The following TUBGCP5 variants were observed in gnomAD, a reference collection of about 807,000 sequenced individuals.
TUBGCP5 encodes the protein gamma-tubulin complex component 5.
Under a neutral mutation model 134.7 loss-of-function variants are expected in TUBGCP5, and 98 were observed. The ratio of observed to expected loss-of-function variants is 0.73; its 90% CI spans 0.62 to 0.86. TUBGCP5 has a LOEUF of 0.86. TUBGCP5 is among the 40% of genes least tolerant of loss of function. The pLI, the probability that TUBGCP5 is intolerant of heterozygous loss-of-function variation, is 0.00. For missense variants in TUBGCP5, 1,150 were observed against 1,244.8 expected (o/e 0.92, Z 1.15); for synonymous variants, 456 against 431.4 (o/e 1.06, Z -0.71).
intron 21 of TUBGCP5, among the ~76,000 whole-genome samples, chr15:23,002,126 C>T (rs2064422041): frequency 6.6e-6 from 1 of 151,372 alleles, no homozygotes; most frequent in Non-Finnish European, 1.5e-5. Context: ...TTCTCCTCCA[C>T]CCCAAAGTGA....
At chr15:23,034,697 A>C (rs1404550874) in intron 3 of TUBGCP5, among the ~76,000 whole-genome samples, 2 of 152,094 alleles carry the variant, frequency 1.3e-5, no homozygotes, top group Non-Finnish European at 2.9e-5. Context: ...CATCTCTACT[A>C]AAAATACAAA....
chr15:23,031,950 T>C lies in TUBGCP5; in HGVS notation c.486A>G (p.Pro162=). Residue 162 remains proline, a splice_region_variant and synonymous_variant, in exon 5 of 23, where the codon CCA becomes CCG. Coordinates refer to ENST00000615383, the MANE Select transcript of TUBGCP5 (RefSeq NM_052903.6). ...CAATAGCAAAACTACTACCACTTAC[T>C]GGTGTGTCCATGTACGGACCAATGT... ...EMDIGPYMDT[P]NWSEESEEEN... is the part of the protein sequence containing the mutation. The C allele has an allele frequency of 6.2e-7, 1 of 1,602,760 alleles. No homozygotes were observed. Among genetic ancestry groups the C allele is most frequent in the Non-Finnish European group, 8.5e-7 (1 of 1,174,004 alleles).
At chr15:23,008,001 G>A (rs1441749084) in intron 16 of TUBGCP5, among the ~76,000 whole-genome samples, 1 of 152,118 alleles carries the variant, frequency 6.6e-6, no homozygotes, top group Non-Finnish European at 1.5e-5. Context: ...GGGAGCTCAG[G>A]GAGAGGAAGC....
Position 23,039,432 on chromosome 15 carries a change from G to C in TUBGCP5, c.112C>G (p.Gln38Glu), listed in dbSNP as rs1363067196. The C allele has an allele frequency of 1.2e-5, 18 of 1,532,760 alleles. No individual in the cohort carries two copies. Among genetic ancestry groups the C allele is most frequent in the Admixed American group, 1.9e-5 (1 of 52,992 alleles). 94.9% of individuals were successfully genotyped at this position (1,532,760 alleles called of 1,614,324 possible). ...GACCAGGCGAAGTTTAGGGCGAGCT[G>C]GAAGTTGGGGTCTGCCTCGTCCTGG... is the stretch of plus-strand genomic sequence containing the variant. ...GLQDEADPNF[Q>E]LALNFAWSNF... is the part of the protein sequence containing the mutation. Residue 38 changes from glutamine to glutamate, a missense_variant, in exon 1 of 23, where the codon CAG becomes GAG. This residue lies in a region of TUBGCP5 where 453 missense variants were observed against 394.7 expected (regional missense o/e 1.15). Transcript: ENST00000615383.
intron 19 of TUBGCP5, 32 bp downstream of exon 19, chr15:23,005,400 A>T (rs1478203046): frequency 1.2e-6 from 2 of 1,609,226 alleles, no homozygotes; most frequent in Non-Finnish European, 1.7e-6. Context: ...AGATACGACG[A>T]TAGAACTGAA....
At chr15:23,002,504 CCT>C (rs1390364785) in intron 21 of TUBGCP5, among the ~76,000 whole-genome samples, 4 of 152,190 alleles carry the variant, frequency 2.6e-5, no homozygotes, top group Non-Finnish European at 5.9e-5. Flanking sequence ...GGCCACTTCC[CCT>C]GATTCAGTGC....
chr15:23,007,109 G>C (rs1435375688), intron 16 of TUBGCP5, among the ~76,000 whole-genome samples: 1 of 152,126 alleles, frequency 6.6e-6, no homozygotes, highest in African/African-American at 2.4e-5. Context: ...ACAGGCACTA[G>C]TCAGAATTTT....
intron 6 of TUBGCP5, among the ~76,000 whole-genome samples, chr15:23,030,251 G>A (rs2066229033): frequency 6.6e-6 from 1 of 152,086 alleles, no homozygotes; most frequent in South Asian, 2.1e-4. Flanking sequence ...CCAAGTAGCT[G>A]AAAGGAAACT....
At chr15:23,001,762 C>A (rs2064399453) in intron 21 of TUBGCP5, among the ~76,000 whole-genome samples, 1 of 151,920 alleles carries the variant, frequency 6.6e-6, no homozygotes, top group South Asian at 2.1e-4. Flanking sequence ...CAAGCTTACA[C>A]CTCCACAGCC....
In TUBGCP5 at chr15:23,039,536, C is replaced by A. The variant is rs749324731; in HGVS notation, c.8G>T (p.Arg3Leu). 1.4e-6 allele frequency: 2 copies of A among 1,472,458 alleles called. No individual in the cohort carries two copies. The highest frequency in any genetic ancestry group is 2.1e-5 in the Admixed American group (1 of 46,672). 91.2% of individuals were successfully genotyped at this position (1,472,458 alleles called of 1,614,324 possible). The change falls in exon 1 of 23, where the codon CGG becomes CTG. Residue 3 changes from arginine (R) to leucine (L), a missense_variant. Physicochemically the swap from Arg to Leu is moderately radical, Grantham distance 102. Coordinates refer to ENST00000615383, the MANE Select transcript of TUBGCP5 (RefSeq NM_052903.6). MA[R>L]HGPPWSRLDA... is the part of the protein sequence containing the mutation. The stretch of plus-strand genomic sequence containing the variant: ...CAACCGACTCCACGGTGGCCCGTGC[C>A]GCGCCATGTTCCGCGCTCCTGCAGC...
intron 5 of TUBGCP5, among the ~76,000 whole-genome samples, 178 bp downstream of exon 5, chr15:23,031,772 T>C (rs2066327243): frequency 6.6e-6 from 1 of 152,152 alleles, no homozygotes; most frequent in Non-Finnish European, 1.5e-5. Flanking sequence ...CCTTTTAACT[T>C]CTTACCACTA....
At position 23,021,962 on chromosome 15, in the gene TUBGCP5, T is replaced by G; in HGVS notation, c.1368A>C (p.Gln456His). 6.2e-7 allele frequency: 1 copy of G among 1,614,138 alleles called. No individual in the cohort carries two copies. The stretch of plus-strand genomic sequence containing the variant: ...TTTAGGCAGAAGTCTCACTTACGGT[T>G]TGCTCAGAGGCTTCTCCAACATTGT... ...EYDNVGEASE[Q>H]TVSLLFSLWV... is the part of the protein sequence containing the mutation. The change falls in exon 11 of 23, where the codon CAA (glutamine) becomes CAC (histidine). Residue 456 changes from glutamine to histidine, a missense_variant. Physicochemically the swap from Gln to His is conservative, Grantham distance 24. Coordinates refer to ENST00000615383, the MANE Select transcript of TUBGCP5 (RefSeq NM_052903.6).
chr15:23,022,757 T>G (rs1178925726), intron 10 of TUBGCP5, among the ~76,000 whole-genome samples: 1 of 152,242 alleles, frequency 6.6e-6, no homozygotes. Flanking sequence ...GTTTTGACCA[T>G]GTACTGTCAC....
In TUBGCP5 at chr15:23,018,116, C is replaced by T. The variant is rs185068491; in HGVS notation, c.1488-75G>A. On this transcript the variant is annotated intron_variant, in intron 12 of 22. Coordinates refer to ENST00000615383, the MANE Select transcript of TUBGCP5 (RefSeq NM_052903.6). The stretch of plus-strand genomic sequence containing the variant: ...CAGCATACTTGTTCTAGTTTGTTGT[C>T]CAGACATTATAAAACATAGTATTAA... 164 of 1,405,106 alleles carry T rather than the reference C, an allele frequency of 1.2e-4. No homozygotes were observed. The African/African-American group carries it at 2.2e-3, about 19-fold the overall frequency. The allele number at this position is 1,405,106 out of a possible 1,614,324, so 87.0% of individuals were successfully genotyped here.
At chr15:22,996,991 T>A (rs568531006), downstream of TUBGCP5, 1 of 152,172 alleles carries the variant, frequency 6.6e-6, no homozygotes, top group South Asian at 2.1e-4. Context: ...AAGCTTGTCT[T>A]ACTAATTTAA....
intron 8 of TUBGCP5, 54 bp from the exon 9 acceptor site, chr15:23,024,884 T>A: frequency 9.1e-7 from 1 of 1,097,108 alleles, no homozygotes; most frequent in Non-Finnish European, 1.4e-6. Flanking sequence ...AAAATATTCA[T>A]GACAGTATGC....
chr15:23,036,155 G>A (rs1288517658), intron 3 of TUBGCP5, among the ~76,000 whole-genome samples: 2 of 152,160 alleles, frequency 1.3e-5, no homozygotes, highest in East Asian at 3.8e-4. Context: ...GACCTCTAGG[G>A]GGCTACAGAC....
At position 23,013,381 on chromosome 15, in the gene TUBGCP5, G is replaced by A. The variant is rs536311108; in HGVS notation, c.1757-2050C>T. Among the ~76,000 whole-genome samples, 6 of 151,114 alleles carry A rather than the reference G, an allele frequency of 4.0e-5. No homozygotes were observed. Among genetic ancestry groups the A allele is most frequent in the African/African-American group, 1.5e-4 (6 of 41,076 alleles). On this transcript the variant is annotated intron_variant, in intron 13 of 22. Transcript: ENST00000615383. The surrounding 1 kb of genome is among the most constrained non-coding windows in gnomAD (Gnocchi z 4.5). ...GGCAGGAGAGAACCCAGGAGGCGAA[G>A]TTCGCAGTGAGCCGAGATCGCGCCG...
intron 23 of TUBGCP5, among the ~76,000 whole-genome samples, chr15:22,984,618 T>TA (rs397763063): frequency 0.23 from 35,058 of 149,882 alleles, 4,463 homozygotes; most frequent in African/African-American, 0.34. Context: ...GACTCCGTGT[T>TA]AAAAAAAAAA....
Sources: allele counts gnomAD v4.1 joint callset (sites outside exome capture counted in the v4.1 genomes callset), GRCh38; gene constraint gnomAD v4.1.1; regional missense constraint gnomAD v4.1.1; non-coding constraint Gnocchi (gnomAD v3.1); transcripts MANE v1.5; gene names NCBI Gene and HGNC (gene_info 2026-07-23, HGNC 2026-07-21).